RANBP2: variants seen among roughly 807,000 people sequenced by gnomAD.
RANBP2 encodes RAN binding protein 2, also known as E3 SUMO-protein ligase RanBP2.
A neutral mutation model predicts 303.6 loss-of-function variants in RANBP2; 57 were observed. The ratio of observed to expected loss-of-function variants is 0.19; its 90% CI spans 0.15 to 0.23. The LOEUF is 0.23. Ranked by LOEUF, RANBP2 falls within the 10% of genes least tolerant of loss-of-function variation. The pLI is 1.00. For synonymous variants in RANBP2, 1,167 were observed against 1,301.5 expected (o/e 0.90, Z 2.23); for missense variants, 3,138 against 3,780.8 (o/e 0.83, Z 4.46).
At chr2:109,579,976 C>T in the RANBP2 span, among the ~76,000 whole-genome samples, 2 of 151,654 alleles carry the variant, frequency 1.3e-5, no homozygotes, top group South Asian at 4.2e-4. Context: ...CAAAAATTAG[C>T]TGGGCGTGGT....
At chr2:109,304,206 A>G in the RANBP2 span, among the ~76,000 whole-genome samples, 157 of 152,244 alleles carry the variant, frequency 1.0e-3, 3 homozygotes, top group East Asian at 0.021. Flanking sequence ...GAACTTACTC[A>G]TCTTGCAGAA....
chr2:108,775,901 C>G lies in RANBP2; in HGVS notation c.8462C>G (p.Thr2821Ser). 2.5e-6 allele frequency: 4 copies of G among 1,612,148 alleles called. No homozygotes were observed. The highest frequency in any genetic ancestry group is 2.5e-6 in the Non-Finnish European group (3 of 1,179,830). ...ATGGACAAACCTGTAGATTTGTCAA[C>G]TAGAAAGGAAATTGATACAGATTCT... ...ETMDKPVDLS[T>S]RKEIDTDSTS... The change falls in exon 24 of 29, where the codon ACT becomes AGT. Residue 2821 changes from threonine to serine, a missense_variant. Thr to Ser is a moderately conservative substitution (Grantham distance 58). Transcript: ENST00000283195.
At chr2:109,719,409 CTT>C in the RANBP2 span, among the ~76,000 whole-genome samples, 696 of 125,224 alleles carry the variant, frequency 5.6e-3, 2 homozygotes, top group Middle Eastern at 8.8e-3. Context: ...TGTGATATAT[CTT>C]TTTTTTTTTT....
the RANBP2 span, chr2:109,618,980 T>C: frequency 6.0e-6 from 1 of 167,112 alleles, no homozygotes. Flanking sequence ...AATAAAATGT[T>C]CACAGTAGAA....
chr2:109,203,354 A>G, the RANBP2 span, among the ~76,000 whole-genome samples: 1 of 152,310 alleles, frequency 6.6e-6, no homozygotes, highest in Admixed American at 6.5e-5. Flanking sequence ...GCTAGTCCTT[A>G]TGCTGCCCTG....
the RANBP2 span, among the ~76,000 whole-genome samples, chr2:109,473,209 G>C: frequency 6.6e-6 from 1 of 152,116 alleles, no homozygotes; most frequent in Admixed American, 6.5e-5. Flanking sequence ...CTAGACATAC[G>C]AGCGCCTCAC....
At chr2:109,503,174 T>G in the RANBP2 span, 1 of 152,200 alleles carries the variant, frequency 6.6e-6, no homozygotes, top group African/African-American at 2.4e-5. Context: ...CACATTTTTA[T>G]CACCTCAAAA....
At chr2:109,016,434 G>A in the RANBP2 span, among the ~76,000 whole-genome samples, 1 of 152,148 alleles carries the variant, frequency 6.6e-6, no homozygotes, top group Admixed American at 6.5e-5. Flanking sequence ...CTTCCCATGA[G>A]ACTTTGAAGT....
the RANBP2 span, among the ~76,000 whole-genome samples, chr2:109,473,932 G>T: frequency 5.3e-5 from 8 of 152,178 alleles, no homozygotes; most frequent in East Asian, 1.9e-4. Flanking sequence ...CTAGGGTAAT[G>T]CTGCCCTCCC....
At chr2:109,517,143 G>C in the RANBP2 span, among the ~76,000 whole-genome samples, 20 of 152,214 alleles carry the variant, frequency 1.3e-4, no homozygotes, top group South Asian at 8.3e-4. Context: ...CCCTGTACGA[G>C]CCTTAGAAAG....
At chr2:109,377,230 G>A in the RANBP2 span, among the ~76,000 whole-genome samples, 6 of 152,206 alleles carry the variant, frequency 3.9e-5, no homozygotes, top group African/African-American at 9.6e-5. Context: ...AATAAGAAGT[G>A]TGAAGCCTGA....
the RANBP2 span, among the ~76,000 whole-genome samples, chr2:109,456,206 G>T: frequency 2.6e-5 from 4 of 152,236 alleles, no homozygotes; most frequent in Admixed American, 2.0e-4. Flanking sequence ...CAGCTCTGCT[G>T]GTTAGTGGCA....
the RANBP2 span, among the ~76,000 whole-genome samples, chr2:109,346,005 G>A: frequency 6.6e-6 from 1 of 152,308 alleles, no homozygotes; most frequent in East Asian, 1.9e-4. Flanking sequence ...TGGCCCCTGT[G>A]TGGCAGTGGA....
At chr2:109,247,431 C>T in the RANBP2 span, among the ~76,000 whole-genome samples, 46 of 152,370 alleles carry the variant, frequency 3.0e-4, no homozygotes, top group African/African-American at 9.1e-4. Context: ...GATCCCTGAA[C>T]GTCACGGCTC....
At chr2:109,128,750 G>C in the RANBP2 span, 6 of 182,174 alleles carry the variant, frequency 3.3e-5, no homozygotes, top group Non-Finnish European at 6.9e-5. Flanking sequence ...TTCCTTCGCA[G>C]CAGCGTTGGC....
the RANBP2 span, among the ~76,000 whole-genome samples, chr2:108,968,495 C>A: frequency 6.6e-6 from 1 of 152,178 alleles, no homozygotes; most frequent in Non-Finnish European, 1.5e-5. Flanking sequence ...ACAGATCCCA[C>A]AGAAATATTC....
chr2:109,419,770 G>C, the RANBP2 span: 1 of 809,682 alleles, frequency 1.2e-6, no homozygotes, highest in East Asian at 2.7e-5. Context: ...ATAGTTATGT[G>C]CGTCTAATAA....
chr2:108,787,957 A>G, downstream of RANBP2: 1 of 1,224,868 alleles, frequency 8.2e-7, no homozygotes. Context: ...ATTAATACAT[A>G]ATTTGTGGGG....
chr2:109,485,901 C>T, the RANBP2 span, among the ~76,000 whole-genome samples: 1 of 152,278 alleles, frequency 6.6e-6, no homozygotes, highest in Non-Finnish European at 1.5e-5. Context: ...CTCCCTGGCC[C>T]TTGATCTCCT....
Sources: gnomAD v4.1 joint callset for allele counts (sites outside exome capture counted in the v4.1 genomes callset) on GRCh38, gnomAD v4.1.1 for gene constraint, MANE v1.5 for transcripts, NCBI Gene and HGNC (gene_info 2026-07-23, HGNC 2026-07-21) for gene names.